MACROD2: variants seen among roughly 807,000 people sequenced by gnomAD.
MACROD2 encodes the protein mono-ADP ribosylhydrolase 2.
A neutral mutation model predicts 70.4 loss-of-function variants in MACROD2; 36 were observed. The ratio of observed to expected loss-of-function variants is 0.51; its 90% CI spans 0.39 to 0.68. The LOEUF (loss-of-function observed/expected upper bound fraction) is 0.68. MACROD2 is among the 30% of genes least tolerant of loss of function. The pLI is 0.00. For synonymous variants in MACROD2, 172 were observed against 178.8 expected, an observed-to-expected ratio of 0.96 and a Z score of 0.30; for missense variants, 496 against 538.4, an observed-to-expected ratio of 0.92 and a Z score of 0.78.
chr20:15,394,038 TG>T (rs1264728529), intron 6 of MACROD2, among the ~76,000 whole-genome samples: 2 of 152,204 alleles, frequency 1.3e-5, no homozygotes, highest in African/African-American at 2.4e-5. Flanking sequence ...GGGAAACTTC[TG>T]GGATGGCTTT....
intron 4 of MACROD2, among the ~76,000 whole-genome samples, chr20:14,501,927 A>C (rs544535479): frequency 6.6e-6 from 1 of 152,348 alleles, no homozygotes; most frequent in Non-Finnish European, 1.5e-5. Context: ...GGATATGTCT[A>C]CATATCTTCC....
chr20:15,892,131 C>A (rs561572486), intron 10 of MACROD2, among the ~76,000 whole-genome samples: 2 of 152,278 alleles, frequency 1.3e-5, no homozygotes, highest in South Asian at 4.1e-4. Flanking sequence ...GAAAATTCAG[C>A]CTCCCAGAGC....
chr20:14,619,431 AAGGGAGGGAGGG>A (rs1246856893), intron 4 of MACROD2, among the ~76,000 whole-genome samples: 3 of 5,536 alleles, frequency 5.4e-4, no homozygotes, highest in Admixed American at 2.7e-3. Context: ...GGAAGGAAGG[AAGGGAGGGAGGG>A]AGGAAGGGAA....
At chr20:14,824,543 T>A (rs2072881300) in intron 5 of MACROD2, among the ~76,000 whole-genome samples, 1 of 152,050 alleles carries the variant, frequency 6.6e-6, no homozygotes, top group Non-Finnish European at 1.5e-5. Flanking sequence ...AGCTATGAAG[T>A]CAGTGCTGGC....
At chr20:15,399,449 A>T (rs1288993310) in intron 6 of MACROD2, among the ~76,000 whole-genome samples, 4 of 152,324 alleles carry the variant, frequency 2.6e-5, no homozygotes, top group South Asian at 2.1e-4. Context: ...TTTGTGGAGC[A>T]TATATCTAGC....
At chr20:14,059,313 A>G (rs1356327537) in intron 2 of MACROD2, among the ~76,000 whole-genome samples, 1 of 152,182 alleles carries the variant, frequency 6.6e-6, no homozygotes, top group East Asian at 1.9e-4. Context: ...CATATTTACA[A>G]TCATTATTCA....
intron 8 of MACROD2, among the ~76,000 whole-genome samples, chr20:15,677,476 A>G (rs1330924753): frequency 6.6e-6 from 1 of 152,138 alleles, no homozygotes. Flanking sequence ...AGGTCCAGGT[A>G]GCTCTGCAGC....
intron 8 of MACROD2, among the ~76,000 whole-genome samples, chr20:15,573,924 C>T (rs1196174265): frequency 6.6e-6 from 1 of 152,152 alleles, no homozygotes; most frequent in Non-Finnish European, 1.5e-5. Flanking sequence ...GGAATATCCA[C>T]TCATGTTTCT....
intron 5 of MACROD2, among the ~76,000 whole-genome samples, chr20:15,152,434 G>T (rs1467133811): frequency 7.6e-6 from 1 of 130,860 alleles, no homozygotes; most frequent in Non-Finnish European, 1.7e-5. Context: ...AGGGGTTGGG[G>T]CACAGAGATA....
At chr20:14,696,312 A>C (rs1295338511) in intron 5 of MACROD2, among the ~76,000 whole-genome samples, 1 of 151,990 alleles carries the variant, frequency 6.6e-6, no homozygotes, top group African/African-American at 2.4e-5. Flanking sequence ...TTACTCCTTG[A>C]CCATGCTCTA....
intron 8 of MACROD2, among the ~76,000 whole-genome samples, chr20:15,586,680 G>C (rs576432686): frequency 2.2e-4 from 34 of 152,114 alleles, no homozygotes; most frequent in African/African-American, 8.2e-4. Context: ...ATAATATAGA[G>C]AAAGAAAGCC....
intron 2 of MACROD2, among the ~76,000 whole-genome samples, chr20:14,072,855 A>G (rs2053865815): frequency 6.6e-6 from 1 of 151,244 alleles, no homozygotes; most frequent in African/African-American, 2.4e-5. Context: ...AATGGCGTGC[A>G]CCCAGGAGGC....
intron 5 of MACROD2, among the ~76,000 whole-genome samples, chr20:15,145,122 G>A (rs1163715402): frequency 1.3e-5 from 2 of 152,210 alleles, no homozygotes; most frequent in East Asian, 3.9e-4. Context: ...AACATACCCC[G>A]GGGTGAAGGC....
chr20:15,851,752 T>G (rs1333011275), intron 8 of MACROD2, among the ~76,000 whole-genome samples: 1 of 152,026 alleles, frequency 6.6e-6, no homozygotes, highest in East Asian at 1.9e-4. Context: ...CGTGAGTCAG[T>G]CATTGGATGC....
intron 5 of MACROD2, among the ~76,000 whole-genome samples, chr20:14,812,190 A>G (rs535894769): frequency 2.0e-5 from 3 of 152,186 alleles, no homozygotes; most frequent in South Asian, 2.1e-4. Context: ...ATGTTCATCA[A>G]TGTTGGACTG....
intron 4 of MACROD2, among the ~76,000 whole-genome samples, chr20:14,591,947 C>G (rs947138830): frequency 3.3e-5 from 5 of 152,200 alleles, no homozygotes; most frequent in Middle Eastern, 6.8e-3. Flanking sequence ...GAGTTTAGTA[C>G]TTGATCAAGA....
At chr20:14,045,183 A>G (rs1032872237) in intron 2 of MACROD2, among the ~76,000 whole-genome samples, 3 of 152,210 alleles carry the variant, frequency 2.0e-5, no homozygotes, top group African/African-American at 7.2e-5. Context: ...CCTCCCTGCA[A>G]GCTGAGGGAG....
intron 8 of MACROD2, among the ~76,000 whole-genome samples, chr20:15,585,319 C>T (rs901794318): frequency 2.0e-5 from 3 of 151,780 alleles, no homozygotes; most frequent in Non-Finnish European, 2.9e-5. Context: ...GCCTCAGCCT[C>T]CTGAGTAGCT....
chr20:15,219,107 A>C (rs2076836223), intron 5 of MACROD2, among the ~76,000 whole-genome samples: 1 of 152,244 alleles, frequency 6.6e-6, no homozygotes, highest in South Asian at 2.1e-4. Context: ...GTTCAAAATA[A>C]GTTCAATACA....
Sources: gnomAD v4.1 joint callset for allele counts (sites outside exome capture counted in the v4.1 genomes callset) on GRCh38, gnomAD v4.1.1 for gene constraint, MANE v1.5 for transcripts, NCBI Gene and HGNC (gene_info 2026-07-23, HGNC 2026-07-21) for gene names.